Variants in VAPB observed in about 807,000 individuals in gnomAD.
The protein encoded by VAPB is vesicle-associated membrane protein-associated protein B/C.
VAPB carries 7 observed loss-of-function variants against 25.6 expected under a neutral mutation model. The observed-to-expected ratio is 0.27, with a 90% CI of 0.16 to 0.51. The LOEUF (loss-of-function observed/expected upper bound fraction) is 0.51, where lower values mean the gene tolerates loss of function less well. Among genes scored for constraint, VAPB ranks in the 20% least tolerant of loss-of-function variants. The pLI, the probability that VAPB is intolerant of heterozygous loss-of-function variation, is 0.97. For synonymous variants in VAPB, 112 were observed against 109.2 expected (o/e 1.03, Z -0.16); for missense variants, 266 against 301.3 (o/e 0.88, Z 0.87).
intron 1 of VAPB, among the ~76,000 whole-genome samples, chr20:58,412,464 C>T (rs906487477): frequency 2.0e-5 from 3 of 149,588 alleles, no homozygotes; most frequent in Non-Finnish European, 4.4e-5. Context: ...GTGGTCCTAG[C>T]TACTTGGGAG....
rs1200382873 is a variant in VAPB at position 58,445,451 on chromosome 20, T to C, written c.*1216T>C. ...AATCCTTCTAGTACTAGTTGAGAGT[T>C]TGACTGTGAATTAATTTTATGCCAT... On this transcript the variant is annotated 3_prime_UTR_variant, in exon 6 of 6. Transcript: ENST00000475243. 1 of 454,336 alleles carries C rather than the reference T, an allele frequency of 2.2e-6. No individual in the cohort carries two copies. Among genetic ancestry groups the C allele is most frequent in the Non-Finnish European group, 4.4e-6 (1 of 226,758 alleles). 28.1% of individuals were successfully genotyped at this position (454,336 alleles called of 1,614,324 possible).
intron 1 of VAPB, among the ~76,000 whole-genome samples, 170 bp from the exon 2 acceptor site, chr20:58,418,041 A>T (rs1464233754): frequency 1.3e-5 from 2 of 152,228 alleles, no homozygotes; most frequent in Non-Finnish European, 2.9e-5. Flanking sequence ...TAAATATTAG[A>T]CGTTACTGCT....
rs1275148428 is a variant in VAPB, at chr20:58,446,624, CAG to C, written c.*2392_*2393del. On this transcript the variant is annotated 3_prime_UTR_variant, in exon 6 of 6. Coordinates refer to ENST00000475243, the MANE Select transcript of VAPB (RefSeq NM_004738.5). ...ATCTAGGAGAAGGTGTTCAGCTTCT[CAG>C]AGGATGTGGACATTTTGGTTGCAGC... The C allele has an allele frequency of 4.4e-6, 2 of 453,952 alleles. No individual in the cohort carries two copies. Among genetic ancestry groups the C allele is most frequent in the East Asian group, 1.4e-4 (2 of 14,408 alleles). The allele number at this position is 453,952 out of a possible 1,614,324, so 28.1% of individuals were successfully genotyped here.
intron 1 of VAPB, among the ~76,000 whole-genome samples, chr20:58,413,356 G>C (rs899055031): frequency 2.6e-5 from 4 of 151,626 alleles, no homozygotes; most frequent in Admixed American, 6.6e-5. Flanking sequence ...GACTCTTAAC[G>C]AGCATGCTGC....
Position 58,449,110 on chromosome 20 carries a change from C to T in VAPB, c.*4875C>T, listed in dbSNP as rs553656676. On this transcript the variant is annotated 3_prime_UTR_variant, in exon 6 of 6. Coordinates refer to ENST00000475243, the MANE Select transcript of VAPB (RefSeq NM_004738.5). The stretch of plus-strand genomic sequence containing the variant: ...GAAGCCCCTGATAAGGAGCGTCAGC[C>T]GACAGGCAAGCTTGGGAGGCTGTGG... 6 of 454,088 alleles carry T rather than the reference C, an allele frequency of 1.3e-5. No individual in the cohort carries two copies. The highest frequency in any genetic ancestry group is 2.0e-5 in the African/African-American group (1 of 50,106). 28.1% of individuals were successfully genotyped at this position (454,088 alleles called of 1,614,324 possible). A position where few individuals can be genotyped will look rare whatever the true frequency, so the allele number is the denominator to read the frequency against.
rs1989144983 is a variant in VAPB, at chr20:58,440,918, A to C, written c.408A>C (p.Glu136Asp). ...TTGTTTTTGAACAGCATGATGTAGA[A>C]ATAAATAAAATTATATCCACAACTG... ...PAENDKPHDV[E>D]INKIISTTAS... The change falls in exon 5 of 6, where the codon GAA becomes GAC. Residue 136 changes from glutamate to aspartate, a missense_variant. Transcript: ENST00000475243. 6.2e-7 allele frequency: 1 copy of C among 1,613,658 alleles called. No individual in the cohort carries two copies. Among genetic ancestry groups the C allele is most frequent in the Non-Finnish European group, 8.5e-7 (1 of 1,179,762 alleles).
chr20:58,399,939 AC>A (rs1171892896), intron 1 of VAPB, among the ~76,000 whole-genome samples: 2 of 152,166 alleles, frequency 1.3e-5, no homozygotes, highest in East Asian at 1.9e-4. Flanking sequence ...TTAACTGGGT[AC>A]TATTTTAGTC....
Position 58,441,028 on chromosome 20 carries a change from G to T in VAPB, c.518G>T (p.Cys173Phe). 6.2e-7 allele frequency: 1 copy of T among 1,614,106 alleles called. No homozygotes were observed. The highest frequency in any genetic ancestry group is 8.5e-7 in the Non-Finnish European group (1 of 1,180,018). The change falls in exon 5 of 6, where the codon TGT becomes TTT. Residue 173 changes from cysteine to phenylalanine, a missense_variant. Around this residue, in one of 3 missense-constraint regions of VAPB, gnomAD observed 136 missense variants for 130.7 expected, o/e 1.04. Transcript: ENST00000475243. ...GAAGTTAAGAAGGTTATGGAAGAATGTAAGAGGCTGCAAGGTGAAGTTCAG... is the reference window on the plus strand; with the variant it reads ...GAAGTTAAGAAGGTTATGGAAGAATTTAAGAGGCTGCAAGGTGAAGTTCAG... ...DTEVKKVMEE[C>F]KRLQGEVQRL...
chr20:58,415,270 C>T (rs1250820463), intron 1 of VAPB, among the ~76,000 whole-genome samples: 2 of 152,206 alleles, frequency 1.3e-5, no homozygotes, highest in Non-Finnish European at 2.9e-5. Flanking sequence ...ATCTAAATAC[C>T]TTTTACAGCA....
intron 2 of VAPB, among the ~76,000 whole-genome samples, chr20:58,430,410 C>T (rs1404671009): frequency 6.6e-6 from 1 of 151,652 alleles, no homozygotes; most frequent in Admixed American, 6.6e-5. Flanking sequence ...TACAGGTGCC[C>T]ACCACCGTGC....
At chr20:58,432,423 C>T (rs149794865) in intron 2 of VAPB, 82 of 152,162 alleles carry the variant, frequency 5.4e-4, no homozygotes, top group African/African-American at 1.9e-3. Context: ...AAGGGTAAGA[C>T]GGTGTTTACT....
rs767508402 is a variant in VAPB at position 58,447,039 on chromosome 20, C to T, written c.*2804C>T. The T allele has an allele frequency of 3.3e-5, 15 of 453,984 alleles. No homozygotes were observed. Among genetic ancestry groups the T allele is most frequent in the Admixed American group, 7.0e-5 (3 of 42,568 alleles). The allele number at this position is 453,984 out of a possible 1,614,324, so 28.1% of individuals were successfully genotyped here. A position where few individuals can be genotyped will look rare whatever the true frequency, so the allele number is the denominator to read the frequency against. On this transcript the variant is annotated 3_prime_UTR_variant, in exon 6 of 6. Transcript: ENST00000475243. ...GAAAGAGCGAGCCTAGGGAGGATGC[C>T]GCTGGGCAGTGTGCATGGGGGAGCT...
chr20:58,401,332 C>T (rs1988090623), intron 1 of VAPB, among the ~76,000 whole-genome samples: 1 of 151,950 alleles, frequency 6.6e-6, no homozygotes, highest in Non-Finnish European at 1.5e-5. Flanking sequence ...TCCTTTTTAC[C>T]CTGTCTAGCT....
chr20:58,411,709 C>G (rs531529717), intron 1 of VAPB, among the ~76,000 whole-genome samples: 2 of 151,940 alleles, frequency 1.3e-5, no homozygotes, highest in Non-Finnish European at 2.9e-5. Flanking sequence ...GAGTCTCTTT[C>G]GCTCTGTCAC....
At chr20:58,409,669 G>C (rs1305063297) in intron 1 of VAPB, among the ~76,000 whole-genome samples, 1 of 152,152 alleles carries the variant, frequency 6.6e-6, no homozygotes, top group Non-Finnish European at 1.5e-5. Context: ...GGAAAAAACT[G>C]TTGTGAAGCT....
chr20:58,419,798 C>G (rs780231374), intron 2 of VAPB, among the ~76,000 whole-genome samples: 11 of 152,114 alleles, frequency 7.2e-5, no homozygotes, highest in Admixed American at 3.3e-4. Context: ...TTCCCCCCCT[C>G]GATTTCCATG....
At chr20:58,422,638 T>G (rs1200646833) in intron 2 of VAPB, among the ~76,000 whole-genome samples, 1 of 151,708 alleles carries the variant, frequency 6.6e-6, no homozygotes, top group Non-Finnish European at 1.5e-5. Context: ...CAGTTAATAA[T>G]GAGGGAGTTT....
intron 1 of VAPB, among the ~76,000 whole-genome samples, chr20:58,412,864 T>A (rs534518287): frequency 6.6e-5 from 10 of 152,304 alleles, no homozygotes; most frequent in South Asian, 2.1e-4. Flanking sequence ...TTAAATCATA[T>A]GTAGATCAGG....
chr20:58,414,394 G>C (rs1454508137), intron 1 of VAPB, among the ~76,000 whole-genome samples: 1 of 151,070 alleles, frequency 6.6e-6, no homozygotes, highest in Admixed American at 6.6e-5. Flanking sequence ...CAGACGGGGT[G>C]GCCGCCGGGC....
Sources: allele counts gnomAD v4.1 joint callset (sites outside exome capture counted in the v4.1 genomes callset), GRCh38; gene constraint gnomAD v4.1.1; regional missense constraint gnomAD v4.1.1; transcripts MANE v1.5; gene names NCBI Gene and HGNC (gene_info 2026-07-23, HGNC 2026-07-21).